The following MACF1 variants were observed in gnomAD, a reference collection of about 807,000 sequenced individuals.
MACF1 encodes the protein microtubule-actin cross-linking factor 1.
A neutral mutation model predicts 854.8 loss-of-function variants in MACF1; 193 were observed. The ratio of observed to expected loss-of-function variants is 0.23; its 90% CI spans 0.20 to 0.25. The LOEUF is 0.25. Among genes scored for constraint, MACF1 ranks in the 10% least tolerant of loss-of-function variants. The probability of loss-of-function intolerance (pLI) is 1.00; values close to 1 mark genes in which losing one functional copy is unlikely to be tolerated. For synonymous variants in MACF1, 3,185 were observed against 3,226.7 expected, an observed-to-expected ratio of 0.99 and a Z score of 0.44; for missense variants, 7,722 against 8,929.1, an observed-to-expected ratio of 0.86 and a Z score of 5.45.
At position 39,442,154 on chromosome 1, in the gene MACF1, A is replaced by T; in HGVS notation, c.18782A>T (p.Lys6261Ile). 1 of 1,590,274 alleles carries T rather than the reference A, an allele frequency of 6.3e-7. No individual in the cohort carries two copies. Among genetic ancestry groups the T allele is most frequent in the Non-Finnish European group, 8.5e-7 (1 of 1,171,074 alleles). Reference protein sequence around the residue: ...KDQLNEMKEFKVEVYQQQIEM... With the variant: ...KDQLNEMKEFIVEVYQQQIEM... ...TGAGTGTGTCTTTGACAGGAGTTCA[A>T]AGTAGAAGTTTACCAACAGCAAATT... The change falls in exon 76 of 101, where the codon AAA (lysine) becomes ATA (isoleucine). Residue 6261 changes from lysine to isoleucine, a missense_variant. Around this residue, in one of 15 missense-constraint regions of MACF1, gnomAD observed 2,807 missense variants for 3,235.8 expected, o/e 0.87. Transcript: ENST00000564288.
chr1:39,312,675 A>C (rs1363010539), intron 26 of MACF1, among the ~76,000 whole-genome samples: 1 of 152,168 alleles, frequency 6.6e-6, no homozygotes, highest in African/African-American at 2.4e-5. Context: ...AAGTACAAAA[A>C]GTAGCCAGGT....
chr1:39,371,414 G>A (rs993138426), intron 51 of MACF1, among the ~76,000 whole-genome samples: 3 of 151,836 alleles, frequency 2.0e-5, no homozygotes, highest in Non-Finnish European at 4.4e-5. Flanking sequence ...GTAGAGCTCT[G>A]TGCCTTTCTC....
chr1:39,334,200 G>C lies in MACF1; in HGVS notation c.7612G>C (p.Val2538Leu), dbSNP rs759066427. Residue 2538 changes from valine to leucine, a missense_variant, in exon 37 of 101, where the codon GTT becomes CTT. This residue lies in a region of MACF1 where 1,531 missense variants were observed against 1,601.6 expected (regional missense o/e 0.96). Transcript: ENST00000564288. ...GEDLAEKLKRVENLNIHQIFN... is the reference protein window; with the variant it reads ...GEDLAEKLKRLENLNIHQIFN... Reference sequence around the variant, plus strand: ...AGATTTAGCCGAGAAACTCAAAAGAGTTGAGAACTTAAACATCCATCAGAT... The same window carrying C: ...AGATTTAGCCGAGAAACTCAAAAGACTTGAGAACTTAAACATCCATCAGAT... 3.7e-6 allele frequency: 6 copies of C among 1,614,038 alleles called. No individual in the cohort carries two copies. Among genetic ancestry groups the C allele is most frequent in the Non-Finnish European group, 5.1e-6 (6 of 1,180,008 alleles).
At chr1:39,177,052 A>G (rs1644038689) in intron 2 of MACF1, among the ~76,000 whole-genome samples, 1 of 152,318 alleles carries the variant, frequency 6.6e-6, no homozygotes, top group South Asian at 2.1e-4. Context: ...ATCTCTTGAG[A>G]TAGTCTAGAG....
chr1:39,310,718 G>A lies in MACF1; in HGVS notation c.3101-113G>A, dbSNP rs1274531825. ...TACAGTATGTGAAATTTAGGATCAG[G>A]TAGGATTAGGCAGAAGATTCCCTAA... On this transcript the variant is annotated intron_variant, in intron 25 of 100. Coordinates refer to ENST00000564288, the MANE Select transcript of MACF1 (RefSeq NM_001394062.1). The A allele has an allele frequency of 1.8e-5, 20 of 1,081,712 alleles. No homozygotes were observed. The Admixed American group carries it at 4.9e-4, about 26-fold the overall frequency. 67.0% of individuals were successfully genotyped at this position (1,081,712 alleles called of 1,614,324 possible).
intron 2 of MACF1, among the ~76,000 whole-genome samples, chr1:39,178,765 A>G (rs1644066214): frequency 1.3e-5 from 2 of 152,220 alleles, no homozygotes; most frequent in Admixed American, 6.5e-5. Flanking sequence ...TTCATGAGGC[A>G]TGGCTATGGC....
intron 2 of MACF1, among the ~76,000 whole-genome samples, chr1:39,087,023 T>C (rs969692792): frequency 2.0e-5 from 3 of 152,180 alleles, no homozygotes; most frequent in African/African-American, 7.2e-5. Flanking sequence ...TTTAGGGTCT[T>C]GCTGAAATCT....
At chr1:39,476,918 C>G (rs1401054158) in intron 97 of MACF1, among the ~76,000 whole-genome samples, 1 of 149,476 alleles carries the variant, frequency 6.7e-6, no homozygotes. Flanking sequence ...TCCCCGGCTT[C>G]AAGGACGCCT....
intron 13 of MACF1, 31 bp downstream of exon 13, chr1:39,285,421 G>T: frequency 1.2e-6 from 2 of 1,607,844 alleles, no homozygotes; most frequent in Non-Finnish European, 1.7e-6. Flanking sequence ...TCCAACATCT[G>T]TGTCACATGT....
rs755342352 is a variant in MACF1 at position 39,333,162 on chromosome 1, A to G, written c.6574A>G (p.Ile2192Val). 11 of 1,613,624 alleles carry G rather than the reference A, an allele frequency of 6.8e-6. No individual in the cohort carries two copies. The highest frequency in any genetic ancestry group is 2.2e-5 in the East Asian group (1 of 44,898). The change falls in exon 37 of 101, where the codon ATA becomes GTA. Residue 2192 changes from isoleucine to valine, a missense_variant. Ile to Val is a conservative substitution (Grantham distance 29, BLOSUM62 3). Coordinates refer to ENST00000564288, the MANE Select transcript of MACF1 (RefSeq NM_001394062.1). ...YIHDETGGSH[I>V]KPQSKKLQVQ... The stretch of plus-strand genomic sequence containing the variant: ...TCATGATGAAACTGGAGGATCTCAC[A>G]TAAAACCCCAAAGCAAAAAGTTACA...
At chr1:39,169,004 A>G (rs1557494709) in intron 2 of MACF1, among the ~76,000 whole-genome samples, 1 of 152,204 alleles carries the variant, frequency 6.6e-6, no homozygotes, top group Non-Finnish European at 1.5e-5. Flanking sequence ...TTGAACTCAC[A>G]TTCTTCCAGT....
chr1:39,133,445 G>GT (rs1643063973), intron 2 of MACF1, among the ~76,000 whole-genome samples: 1 of 151,776 alleles, frequency 6.6e-6, no homozygotes, highest in African/African-American at 2.4e-5. Flanking sequence ...GTTTAATTTT[G>GT]TAACAGACTC....
chr1:39,479,119 G>A lies in MACF1; in HGVS notation c.21959-679G>A, dbSNP rs1644967271. On this transcript the variant is annotated intron_variant, in intron 97 of 100. Coordinates refer to ENST00000564288, the MANE Select transcript of MACF1 (RefSeq NM_001394062.1). Reference sequence around the variant, plus strand: ...TTCCCGTGCCGACTCCACGTTCTTTGCATCTTGATGTTCCTCCTACTTGCA... The same window carrying A: ...TTCCCGTGCCGACTCCACGTTCTTTACATCTTGATGTTCCTCCTACTTGCA... Among the ~76,000 whole-genome samples, 3 of 152,144 alleles carry A rather than the reference G, an allele frequency of 2.0e-5. 1 individual carries two copies. In the South Asian group the frequency reaches 6.2e-4, roughly 32 times the overall value.
chr1:39,454,240 A>G lies in MACF1; in HGVS notation c.20886+390A>G, dbSNP rs570457700. Among the ~76,000 whole-genome samples, 7 of 152,358 alleles carry G rather than the reference A, an allele frequency of 4.6e-5. No individual in the cohort carries two copies. The East Asian group carries it at 1.2e-3, about 25-fold the overall frequency. ...GGTCCACATTCACAGCCAAACATGG[A>G]TAGAAAATACAGTATTCACGGGAAG... On this transcript the variant is annotated intron_variant, in intron 88 of 100. Transcript: ENST00000564288.
At chr1:39,364,908 A>G (rs1343917752) in intron 49 of MACF1, among the ~76,000 whole-genome samples, 1 of 152,234 alleles carries the variant, frequency 6.6e-6, no homozygotes. Context: ...AAATTTATTC[A>G]TGCTTTATTC....
At chr1:39,447,212 T>C (rs1169149167) in intron 80 of MACF1, among the ~76,000 whole-genome samples, 1 of 152,232 alleles carries the variant, frequency 6.6e-6, no homozygotes, top group Non-Finnish European at 1.5e-5. Flanking sequence ...GTGCTCTATT[T>C]CCTTTTCCAT....
intron 2 of MACF1, among the ~76,000 whole-genome samples, chr1:39,231,739 C>A (rs925844140): frequency 1.9e-4 from 29 of 151,674 alleles, no homozygotes; most frequent in African/African-American, 7.0e-4. Context: ...GACACAGGGT[C>A]TCACTATGTT....
At chr1:39,381,904 C>T (rs1180073671) in intron 55 of MACF1, 49 bp from the exon 56 acceptor site, 2 of 1,319,810 alleles carry the variant, frequency 1.5e-6, no homozygotes, top group Non-Finnish European at 2.2e-6. Context: ...GGTACCAGGC[C>T]AGTTGTTGAT....
intron 1 of MACF1, chr1:39,207,005 C>A (rs1370674732): frequency 6.7e-6 from 1 of 149,732 alleles, no homozygotes; most frequent in Non-Finnish European, 1.5e-5. Context: ...ATTGGAGTTA[C>A]ATACAGTATT....
Sources: gnomAD v4.1 joint callset for allele counts (sites outside exome capture counted in the v4.1 genomes callset) on GRCh38, gnomAD v4.1.1 for gene constraint, gnomAD v4.1.1 regional missense constraint, MANE v1.5 for transcripts, NCBI Gene and HGNC (gene_info 2026-07-23, HGNC 2026-07-21) for gene names.